PCLO: variants seen among roughly 807,000 people sequenced by gnomAD.
PCLO encodes the protein protein piccolo.
PCLO carries 82 observed loss-of-function variants against 427.5 expected under a neutral mutation model. The ratio of observed to expected loss-of-function variants is 0.19; its 90% confidence interval spans 0.16 to 0.23. PCLO has a LOEUF of 0.23. Among genes scored for constraint, PCLO ranks in the 10% least tolerant of loss-of-function variants. The probability of loss-of-function intolerance (pLI) is 1.00; values close to 1 mark genes in which losing one functional copy is unlikely to be tolerated. For missense variants in PCLO, 6,239 were observed against 6,115.9 expected (o/e 1.02, Z -0.67); for synonymous variants, 2,357 against 2,155.4 (o/e 1.09, Z -2.59).
intron 3 of PCLO, among the ~76,000 whole-genome samples, chr7:83,132,624 G>C (rs907001389): frequency 1.3e-5 from 2 of 151,998 alleles, no homozygotes; most frequent in Non-Finnish European, 2.9e-5. Context: ...ACATATGTAT[G>C]CATATCCATA....
chr7:82,914,817 T>G lies in PCLO; in HGVS notation c.13169A>C (p.Asp4390Ala). The G allele has an allele frequency of 6.2e-7, 1 of 1,613,462 alleles. No homozygotes were observed. Among genetic ancestry groups the G allele is most frequent in the Non-Finnish European group, 8.5e-7 (1 of 1,179,694 alleles). The change falls in exon 7 of 25, where the codon GAT becomes GCT. Residue 4390 changes from aspartate (D) to alanine (A), a missense_variant. Asp to Ala is a moderately radical substitution (Grantham distance 126). Around this residue, in one of 5 missense-constraint regions of PCLO, gnomAD observed 877 missense variants for 925.5 expected, o/e 0.95. Coordinates refer to ENST00000333891, the MANE Select transcript of PCLO (RefSeq NM_033026.6). ...CAATGAGTGGCTTGATCCAAACTGA[T>G]CCCTGGTGTCTGCAGATATTGGTGG... is the stretch of plus-strand genomic sequence containing the variant. ...PLPPISADTR[D>A]QFGSSHSLPE...
chr7:83,066,672 CTTAAA>C (rs1197332224), intron 3 of PCLO, among the ~76,000 whole-genome samples: 1 of 152,018 alleles, frequency 6.6e-6, no homozygotes, highest in Non-Finnish European at 1.5e-5. Flanking sequence ...AGCCATTGAA[CTTAAA>C]TTATGTTGAG....
intron 2 of PCLO, 129 bp from the exon 3 acceptor site, chr7:83,135,785 A>G (rs1361034148): frequency 1.7e-6 from 1 of 572,094 alleles, no homozygotes; most frequent in East Asian, 2.9e-5. Context: ...AGAGAAAATT[A>G]TTTTAATAAA....
chr7:82,916,911 A>G, intron 6 of PCLO, 38 bp from the exon 7 acceptor site: 1 of 1,396,696 alleles, frequency 7.2e-7, no homozygotes, highest in Middle Eastern at 1.9e-4. Flanking sequence ...CTTTAGTATA[A>G]AGAAAAATAA....
At chr7:83,103,007 A>AGGAATTTGGAACCGTTATTATAGT (rs140473409) in intron 3 of PCLO, among the ~76,000 whole-genome samples, 1 of 151,330 alleles carries the variant, frequency 6.6e-6, no homozygotes, top group East Asian at 1.9e-4. Flanking sequence ...TCCCTTCCTG[A>AGGAATTTGGAACCGTTATTATAGT]GATATTTTAC....
intron 6 of PCLO, among the ~76,000 whole-genome samples, chr7:82,921,183 T>C (rs1431907857): frequency 6.6e-6 from 1 of 151,890 alleles, no homozygotes; most frequent in African/African-American, 2.4e-5. Context: ...GGTATTTCTA[T>C]CAAACTACCA....
intron 9 of PCLO, chr7:82,879,751 T>C: frequency 2.3e-6 from 1 of 438,136 alleles, no homozygotes; most frequent in Non-Finnish European, 4.3e-6. Flanking sequence ...TTTGACTAGG[T>C]ATTTTGTAAA....
intron 20 of PCLO, among the ~76,000 whole-genome samples, chr7:82,816,087 G>T (rs1283018664): frequency 6.6e-6 from 1 of 151,906 alleles, no homozygotes; most frequent in African/African-American, 2.4e-5. Context: ...TATTTTCATG[G>T]TCTTGTTCAG....
chr7:82,856,581 T>C (rs1340003832), intron 10 of PCLO, among the ~76,000 whole-genome samples: 1 of 152,138 alleles, frequency 6.6e-6, no homozygotes, highest in Non-Finnish European at 1.5e-5. Flanking sequence ...TATAATTTGA[T>C]TGGCCCCTAG....
chr7:82,920,349 G>T (rs1794566783), intron 6 of PCLO, among the ~76,000 whole-genome samples: 1 of 151,670 alleles, frequency 6.6e-6, no homozygotes, highest in African/African-American at 2.4e-5. Context: ...TGTTTACTAT[G>T]GTTTTCTGTG....
intron 9 of PCLO, among the ~76,000 whole-genome samples, chr7:82,890,071 A>G (rs1793722024): frequency 6.6e-6 from 1 of 151,654 alleles, no homozygotes; most frequent in African/African-American, 2.4e-5. Flanking sequence ...ATGCAAATAT[A>G]TACATTTATA....
intron 20 of PCLO, among the ~76,000 whole-genome samples, chr7:82,812,212 A>G (rs1791587148): frequency 6.6e-6 from 1 of 151,546 alleles, no homozygotes; most frequent in Admixed American, 6.6e-5. Context: ...TAGTTTGTTT[A>G]TAATGATTCA....
chr7:82,983,187 AATTT>A (rs1796185062), intron 3 of PCLO, among the ~76,000 whole-genome samples: 1 of 151,356 alleles, frequency 6.6e-6, no homozygotes, highest in South Asian at 2.1e-4. Context: ...ATAAATATAT[AATTT>A]ATTAATCAAA....
In PCLO at chr7:82,905,180, T is replaced by C. The variant is rs551130408; in HGVS notation, c.13438-2439A>G. On this transcript the variant is annotated intron_variant, in intron 8 of 24. Transcript: ENST00000333891. ...CTCTGTTATCATTGTCTTTTGGTGA[T>C]TCCTCATTGATAGAATTATTGCCTA... Among the ~76,000 whole-genome samples, 194 of 152,184 alleles carry C rather than the reference T, an allele frequency of 1.3e-3. 1 individual carries two copies. Among genetic ancestry groups the C allele is most frequent in the Non-Finnish European group, 1.1e-3 (73 of 67,968 alleles).
At chr7:82,883,760 GTTTTATT>G (rs1427788105) in intron 9 of PCLO, among the ~76,000 whole-genome samples, 2 of 151,922 alleles carry the variant, frequency 1.3e-5, no homozygotes, top group African/African-American at 2.4e-5. Flanking sequence ...TTTGTTTCTA[GTTTTATT>G]TTTTATTTTT....
intron 6 of PCLO, among the ~76,000 whole-genome samples, chr7:82,944,292 T>C (rs1014050420): frequency 3.9e-5 from 6 of 152,080 alleles, no homozygotes; most frequent in Admixed American, 3.9e-4. Context: ...TGAAAATTAT[T>C]TGATGGATAA....
chr7:82,822,017 T>A, intron 20 of PCLO: 1 of 989,128 alleles, frequency 1.0e-6, no homozygotes, highest in Non-Finnish European at 1.2e-6. Context: ...GGTTGCATTA[T>A]CTTCTGCCTA....
At chr7:82,946,801 G>A (rs985527648) in intron 6 of PCLO, among the ~76,000 whole-genome samples, 14 of 152,186 alleles carry the variant, frequency 9.2e-5, no homozygotes, top group African/African-American at 3.4e-4. Context: ...AGTTTAAACT[G>A]TGCTGCAAGT....
chr7:83,097,564 T>A (rs1283938836), intron 3 of PCLO, among the ~76,000 whole-genome samples: 2 of 147,606 alleles, frequency 1.4e-5, no homozygotes, highest in Non-Finnish European at 3.0e-5. Flanking sequence ...ACATATATTA[T>A]ATATATATTT....
Sources: gnomAD v4.1 joint callset for allele counts (sites outside exome capture counted in the v4.1 genomes callset) on GRCh38, gnomAD v4.1.1 for gene constraint, gnomAD v4.1.1 regional missense constraint, MANE v1.5 for transcripts, NCBI Gene and HGNC (gene_info 2026-07-23, HGNC 2026-07-21) for gene names.